The following WWOX variants were observed in gnomAD, a reference collection of about 807,000 sequenced individuals.
The protein encoded by WWOX is WW domain-containing oxidoreductase.
WWOX carries 69 observed loss-of-function variants against 46.2 expected under a neutral mutation model. That is an observed-to-expected ratio of 1.49 (90% CI 1.23 to 1.82). The LOEUF is 1.82. Among genes scored for constraint, WWOX ranks in the 40% most tolerant of loss-of-function variants. The pLI is 0.00. For synonymous variants in WWOX, 359 were observed against 202.6 expected, an observed-to-expected ratio of 1.77 and a Z score of -6.56; for missense variants, 919 against 542.6, an observed-to-expected ratio of 1.69 and a Z score of -6.89.
chr16:78,465,245 A>C (rs927132370), intron 8 of WWOX, among the ~76,000 whole-genome samples: 2 of 152,270 alleles, frequency 1.3e-5, no homozygotes, highest in African/African-American at 4.8e-5. Flanking sequence ...TTTCTAAGGC[A>C]GATGAATAAT....
chr16:79,065,540 T>G (rs780763041), intron 8 of WWOX, among the ~76,000 whole-genome samples: 2 of 152,162 alleles, frequency 1.3e-5, no homozygotes, highest in Non-Finnish European at 2.9e-5. Flanking sequence ...TGCAAAAGTC[T>G]GAAAACCATT....
At chr16:78,898,080 C>T (rs899990388) in intron 8 of WWOX, 21 of 151,308 alleles carry the variant, frequency 1.4e-4, no homozygotes, top group African/African-American at 4.8e-4. Flanking sequence ...TTCATATGTA[C>T]TGTGAATTTT....
At chr16:78,560,960 A>C (rs1303555832) in intron 8 of WWOX, among the ~76,000 whole-genome samples, 1 of 152,182 alleles carries the variant, frequency 6.6e-6, no homozygotes, top group South Asian at 2.1e-4. Context: ...TCAGAAGCCT[A>C]GACACAATGT....
chr16:78,716,166 C>A (rs1265101656), intron 8 of WWOX, among the ~76,000 whole-genome samples: 1 of 151,904 alleles, frequency 6.6e-6, no homozygotes, highest in East Asian at 1.9e-4. Flanking sequence ...GAGACAGAGG[C>A]AGAGATAGAG....
chr16:79,143,517 T>A (rs2050129226), intron 8 of WWOX, among the ~76,000 whole-genome samples: 1 of 152,196 alleles, frequency 6.6e-6, no homozygotes, highest in Admixed American at 6.5e-5. Context: ...ACCATTTGAG[T>A]GGCTTCTGTT....
At chr16:78,441,957 T>C (rs28369055) in intron 8 of WWOX, among the ~76,000 whole-genome samples, 9,703 of 144,336 alleles carry the variant, frequency 0.067, 485 homozygotes, top group South Asian at 0.17. Flanking sequence ...TATATGCGCA[T>C]GAGTGTGTGT....
chr16:78,822,353 G>A lies in WWOX; in HGVS notation c.1057-389255G>A, dbSNP rs111402412. On this transcript the variant is annotated intron_variant, in intron 8 of 8. Transcript: ENST00000566780. ...TACTAAAAACACAAAAATTAGCCAG[G>A]TGTGGTGGCATGTGCCTGTAATCTT... is the stretch of plus-strand genomic sequence containing the variant. Among the ~76,000 whole-genome samples, 675 of 152,264 alleles carry A rather than the reference G, an allele frequency of 4.4e-3. 17 individuals are homozygous for A. The highest frequency in any genetic ancestry group is 2.3e-3 in the South Asian group (11 of 4,822).
At chr16:78,476,303 C>T (rs1360372693) in intron 8 of WWOX, among the ~76,000 whole-genome samples, 2 of 152,232 alleles carry the variant, frequency 1.3e-5, no homozygotes, top group East Asian at 3.9e-4. Flanking sequence ...TATCCTTCGC[C>T]CACTTGGGTG....
intron 8 of WWOX, among the ~76,000 whole-genome samples, chr16:78,520,506 T>C (rs2043324962): frequency 6.6e-6 from 1 of 152,140 alleles, no homozygotes. Flanking sequence ...TACTAATGGT[T>C]CTGTGGAAGA....
chr16:79,015,594 G>A (rs1047324623), intron 8 of WWOX, among the ~76,000 whole-genome samples: 1 of 152,036 alleles, frequency 6.6e-6, no homozygotes, highest in Non-Finnish European at 1.5e-5. Flanking sequence ...CACTGGTTGG[G>A]TTCCATATTC....
chr16:78,896,585 G>A (rs1181854970), intron 8 of WWOX: 2 of 152,120 alleles, frequency 1.3e-5, no homozygotes, highest in African/African-American at 4.8e-5. Context: ...TGACACTGAA[G>A]CCTACTCTCT....
At chr16:78,361,548 T>C (rs62033456) in intron 5 of WWOX, among the ~76,000 whole-genome samples, 13,288 of 152,182 alleles carry the variant, frequency 0.087, 635 homozygotes, top group Middle Eastern at 0.15. Flanking sequence ...CCCTTACTCT[T>C]TTTATAGTCA....
At chr16:78,890,508 T>A (rs2044566927) in intron 8 of WWOX, 1 of 152,196 alleles carries the variant, frequency 6.6e-6, no homozygotes, top group Non-Finnish European at 1.5e-5. Flanking sequence ...TGGGCAAGCC[T>A]CCTGGCTTCC....
chr16:78,315,009 C>A (rs989681999), intron 5 of WWOX, among the ~76,000 whole-genome samples: 3 of 152,186 alleles, frequency 2.0e-5, no homozygotes, highest in Non-Finnish European at 2.9e-5. Flanking sequence ...TGTCCTGATA[C>A]TTCCTCAGCA....
rs1416137297 is a variant in WWOX, at chr16:78,483,753, A to C, written c.1056+51001A>C. On this transcript the variant is annotated intron_variant, in intron 8 of 8. Coordinates refer to ENST00000566780, the MANE Select transcript of WWOX (RefSeq NM_016373.4). ...ATGCAGCATCGCTTGAAGCTGTGAT[A>C]AAATATCACACCTTTGGAAATCAAG... 2.0e-5 allele frequency among the ~76,000 whole-genome samples: 3 copies of C among 152,158 alleles called. No homozygotes were observed. In the East Asian group the frequency reaches 5.8e-4, roughly 29 times the overall value.
At chr16:79,034,746 G>T (rs10431971) in intron 8 of WWOX, among the ~76,000 whole-genome samples, 35 of 151,488 alleles carry the variant, frequency 2.3e-4, no homozygotes, top group Admixed American at 4.6e-4. Flanking sequence ...CATACCTGCC[G>T]TGCTCAAAGC....
intron 8 of WWOX, chr16:79,205,639 G>C (rs2051485140): frequency 6.6e-6 from 1 of 152,154 alleles, no homozygotes; most frequent in Admixed American, 6.5e-5. Context: ...TAAAGGTTAA[G>C]AATAGCCTGT....
In WWOX at chr16:78,232,534, A is replaced by T. The variant is rs536468024; in HGVS notation, c.516+68245A>T. Among the ~76,000 whole-genome samples, 1,044 of 152,308 alleles carry T rather than the reference A, an allele frequency of 6.9e-3. 24 individuals are homozygous for T. Among genetic ancestry groups the T allele is most frequent in the East Asian group, 0.05 (260 of 5,176 alleles). Reference sequence around the variant, plus strand: ...GTAGATAAGGATTTTATGAAAAGGGAGCTCACTGTTGGTGAAAAATCCTTG... The same window carrying T: ...GTAGATAAGGATTTTATGAAAAGGGTGCTCACTGTTGGTGAAAAATCCTTG... On this transcript the variant is annotated intron_variant, in intron 5 of 8. Transcript: ENST00000566780.
At chr16:78,897,282 C>T (rs370354911) in intron 8 of WWOX, 1 of 76,236 alleles carries the variant, frequency 1.3e-5, no homozygotes, top group Non-Finnish European at 2.8e-5. Flanking sequence ...AAAACAAAAA[C>T]AAGAACATTC....
Sources: gnomAD v4.1 joint callset for allele counts (sites outside exome capture counted in the v4.1 genomes callset) on GRCh38, gnomAD v4.1.1 for gene constraint, MANE v1.5 for transcripts, NCBI Gene and HGNC (gene_info 2026-07-23, HGNC 2026-07-21) for gene names.